ZMAT4: variants seen among roughly 807,000 people sequenced by gnomAD.
ZMAT4 encodes zinc finger matrin-type 4, also known as zinc finger matrin-type protein 4.
A neutral mutation model predicts 28.7 loss-of-function variants in ZMAT4; 17 were observed. That is an observed-to-expected ratio of 0.59 (90% confidence interval 0.41 to 0.89). ZMAT4 has a LOEUF of 0.89. Among genes scored for constraint, ZMAT4 ranks in the 40% least tolerant of loss-of-function variants. ZMAT4 has a pLI of 0.00. For synonymous variants in ZMAT4, 117 were observed against 109.2 expected, an observed-to-expected ratio of 1.07 and a Z score of -0.44; for missense variants, 240 against 283.8, an observed-to-expected ratio of 0.85 and a Z score of 1.11.
At chr8:40,710,842 G>GCA (rs1248273369) in intron 3 of ZMAT4, among the ~76,000 whole-genome samples, 16 of 151,670 alleles carry the variant, frequency 1.1e-4, no homozygotes, top group Non-Finnish European at 2.1e-4. Flanking sequence ...GTGCAGTGGC[G>GCA]CGATCTCGGC....
chr8:40,729,613 T>TTTC (rs1811450479), intron 3 of ZMAT4, among the ~76,000 whole-genome samples: 2 of 143,474 alleles, frequency 1.4e-5, no homozygotes, highest in Non-Finnish European at 3.1e-5. Context: ...TTTTTTTTTT[T>TTTC]GAGAAGGAGT....
At chr8:40,824,307 C>T (rs1815940212) in intron 2 of ZMAT4, among the ~76,000 whole-genome samples, 1 of 152,160 alleles carries the variant, frequency 6.6e-6, no homozygotes. Context: ...TAGCTGAGTG[C>T]AGTGGCATGT....
At position 40,718,219 on chromosome 8, in the gene ZMAT4, G is replaced by T. The variant is rs920074974; in HGVS notation, c.193-20818C>A. ...GCACTTCATAACTGGTAGCAATTCTGCCCAAAAATAAAGCAATCCACAGGG... is the reference window on the plus strand; with the variant it reads ...GCACTTCATAACTGGTAGCAATTCTTCCCAAAAATAAAGCAATCCACAGGG... On this transcript the variant is annotated intron_variant, in intron 3 of 6. Transcript: ENST00000297737. Among the ~76,000 whole-genome samples, 97 of 152,176 alleles carry T rather than the reference G, an allele frequency of 6.4e-4. 1 individual carries two copies. The highest frequency in any genetic ancestry group is 1.3e-4 in the Non-Finnish European group (9 of 68,036).
chr8:40,596,278 T>A (rs1481740672), intron 5 of ZMAT4, among the ~76,000 whole-genome samples: 1 of 152,202 alleles, frequency 6.6e-6, no homozygotes, highest in Non-Finnish European at 1.5e-5. Context: ...TTATAAACAC[T>A]GTACGCTTAG....
intron 5 of ZMAT4, among the ~76,000 whole-genome samples, chr8:40,631,643 T>C (rs1419416781): frequency 1.3e-5 from 2 of 152,192 alleles, no homozygotes; most frequent in African/African-American, 4.8e-5. Flanking sequence ...AGAAGTTAAA[T>C]CACATTCTTT....
chr8:40,832,834 G>C (rs1273566742), intron 1 of ZMAT4, among the ~76,000 whole-genome samples: 1 of 152,212 alleles, frequency 6.6e-6, no homozygotes, highest in Admixed American at 6.5e-5. Context: ...AAACAAAGGA[G>C]AGGGGCTAAG....
At chr8:40,860,583 G>A (rs752811043) in intron 1 of ZMAT4, among the ~76,000 whole-genome samples, 12 of 152,286 alleles carry the variant, frequency 7.9e-5, no homozygotes, top group South Asian at 2.1e-4. Context: ...AGATCTGTGC[G>A]TTTGCCACCT....
chr8:40,774,656 C>T (rs1180543237), intron 2 of ZMAT4, among the ~76,000 whole-genome samples: 1 of 146,690 alleles, frequency 6.8e-6, no homozygotes, highest in Non-Finnish European at 1.5e-5. Flanking sequence ...CACTGGCAAG[C>T]ATAATGATAA....
chr8:40,836,969 G>T (rs1286666813), intron 1 of ZMAT4, among the ~76,000 whole-genome samples: 1 of 152,170 alleles, frequency 6.6e-6, no homozygotes, highest in Non-Finnish European at 1.5e-5. Context: ...TGGATTGATT[G>T]ACAGAAATAT....
At chr8:40,850,002 A>G (rs1266525069) in intron 1 of ZMAT4, among the ~76,000 whole-genome samples, 1 of 151,928 alleles carries the variant, frequency 6.6e-6, no homozygotes, top group Non-Finnish European at 1.5e-5. Flanking sequence ...CTTCCCACCC[A>G]TCTGATCTAT....
intron 4 of ZMAT4, among the ~76,000 whole-genome samples, chr8:40,681,439 G>GT (rs1325283142): frequency 1.3e-5 from 2 of 152,086 alleles, no homozygotes; most frequent in Non-Finnish European, 1.5e-5. Flanking sequence ...AAATATCACT[G>GT]TTTTTTTGCA....
chr8:40,844,137 G>GC (rs1816795067), intron 1 of ZMAT4, among the ~76,000 whole-genome samples: 1 of 152,066 alleles, frequency 6.6e-6, no homozygotes, highest in Non-Finnish European at 1.5e-5. Context: ...AGAGAATATT[G>GC]TTTTTTTCTA....
chr8:40,780,623 T>C (rs1813789377), intron 2 of ZMAT4, among the ~76,000 whole-genome samples: 1 of 152,108 alleles, frequency 6.6e-6, no homozygotes. Flanking sequence ...ATTTAAGAAG[T>C]TGAGAAGATA....
At chr8:40,544,061 G>A (rs1190758696) in intron 6 of ZMAT4, among the ~76,000 whole-genome samples, 2 of 152,156 alleles carry the variant, frequency 1.3e-5, no homozygotes, top group Non-Finnish European at 2.9e-5. Context: ...GATGCCACAG[G>A]GAGGTGCACA....
chr8:40,576,164 A>G (rs1387521822), intron 6 of ZMAT4, among the ~76,000 whole-genome samples: 1 of 152,164 alleles, frequency 6.6e-6, no homozygotes, highest in African/African-American at 2.4e-5. Flanking sequence ...AAGCCTGAAA[A>G]CATATGGGAA....
intron 1 of ZMAT4, among the ~76,000 whole-genome samples, chr8:40,865,552 A>T (rs1817646873): frequency 6.6e-6 from 1 of 152,198 alleles, no homozygotes; most frequent in South Asian, 2.1e-4. Context: ...GACCATCAAC[A>T]TCCATCTGCC....
At chr8:40,580,908 A>AT (rs1804442941) in intron 6 of ZMAT4, among the ~76,000 whole-genome samples, 1 of 152,178 alleles carries the variant, frequency 6.6e-6, no homozygotes, top group Non-Finnish European at 1.5e-5. Flanking sequence ...CTTAGCATAG[A>AT]TTTTAATATG....
chr8:40,894,678 C>T (rs192814420), intron 1 of ZMAT4, among the ~76,000 whole-genome samples: 2 of 152,168 alleles, frequency 1.3e-5, no homozygotes, highest in East Asian at 1.9e-4. Context: ...ATGGAAATAG[C>T]GTGCTCCAAC....
At position 40,643,820 on chromosome 8, in the gene ZMAT4, C is replaced by A. The variant is rs183706821; in HGVS notation, c.577+30884G>T. ...AAAAAAAAGGAGTAAGGTCAGTGTT[C>A]CAGGAAAAAAAAACTATGCAAAGGC... On this transcript the variant is annotated intron_variant, in intron 5 of 6. Coordinates refer to ENST00000297737, the MANE Select transcript of ZMAT4 (RefSeq NM_024645.3). Among the ~76,000 whole-genome samples, 341 of 147,124 alleles carry A rather than the reference C, an allele frequency of 2.3e-3. 3 individuals carry two copies. The highest frequency in any genetic ancestry group is 8.2e-3 in the African/African-American group (329 of 40,184).
Sources: allele counts gnomAD v4.1 joint callset (sites outside exome capture counted in the v4.1 genomes callset), GRCh38; gene constraint gnomAD v4.1.1; transcripts MANE v1.5; gene names NCBI Gene and HGNC (gene_info 2026-07-23, HGNC 2026-07-21).